The following TOMM70 variants were observed in gnomAD, a reference collection of about 807,000 sequenced individuals.
TOMM70 encodes mitochondrial import receptor subunit TOM70.
TOMM70 carries 13 observed loss-of-function variants against 73.6 expected under a neutral mutation model. That is an observed-to-expected ratio of 0.18 (90% CI 0.11 to 0.28). The LOEUF is 0.28. Among genes scored for constraint, TOMM70 ranks in the 10% least tolerant of loss-of-function variants. The pLI, the probability that TOMM70 is intolerant of heterozygous loss-of-function variation, is 1.00. For missense variants in TOMM70, 609 were observed against 747.5 expected, an observed-to-expected ratio of 0.81 and a Z score of 2.16; for synonymous variants, 257 against 271.2, an observed-to-expected ratio of 0.95 and a Z score of 0.51.
intron 1 of TOMM70, among the ~76,000 whole-genome samples, chr3:100,387,593 G>GACACACACAC (rs772727603): frequency 8.1e-5 from 8 of 98,740 alleles, no homozygotes; most frequent in African/African-American, 1.6e-4. Context: ...CACAGACACA[G>GACACACACAC]ACACAGACAC....
intron 11 of TOMM70, among the ~76,000 whole-genome samples, chr3:100,367,001 C>T (rs899704433): frequency 5.9e-5 from 9 of 152,202 alleles, no homozygotes; most frequent in African/African-American, 2.2e-4. Flanking sequence ...GGGCAAATCA[C>T]TTGAGGCCGA....
chr3:100,397,769 A>G (rs934623055), intron 1 of TOMM70, among the ~76,000 whole-genome samples: 2 of 152,060 alleles, frequency 1.3e-5, no homozygotes, highest in Admixed American at 6.5e-5. Context: ...CGTGCCTGTA[A>G]TCCCAGCTAC....
In TOMM70 at chr3:100,368,067, G is replaced by C. The variant is rs1482586232; in HGVS notation, c.1650C>G (p.Thr550=). ...IDNKCDFAYE[T]MGTIEVQRGN... ...ACCTTTGTACTTCAATAGTTCCCAT[G>C]GTTTCATAGGCAAAATCACATTTAT... The change falls in exon 11 of 12, where the codon ACC becomes ACG. Residue 550 remains threonine (T), a synonymous_variant. Transcript: ENST00000284320. The C allele has an allele frequency of 1.2e-6, 2 of 1,613,732 alleles. No homozygotes were observed. The highest frequency in any genetic ancestry group is 1.7e-5 in the Admixed American group (1 of 59,954).
At chr3:100,390,681 T>C (rs1308506060) in intron 1 of TOMM70, among the ~76,000 whole-genome samples, 1 of 151,864 alleles carries the variant, frequency 6.6e-6, no homozygotes, top group East Asian at 1.9e-4. Flanking sequence ...ACAAAACAAT[T>C]AGCCAGGTGT....
In TOMM70 at chr3:100,394,370, T is replaced by C. The variant is rs78006493; in HGVS notation, c.324+6256A>G. Among the ~76,000 whole-genome samples the C allele has an allele frequency of 1.3e-3, 144 of 111,830 alleles. 3 individuals carry two copies. Among genetic ancestry groups the C allele is most frequent in the Non-Finnish European group, 1.8e-3 (111 of 61,978 alleles). 73.4% of individuals were successfully genotyped at this position (111,830 alleles called of 152,430 possible). ...TTGACCAACTGTTACTTTTTCTTTT[T>C]TTTTTTTTGAGATAGAGTTTTGCTC... On this transcript the variant is annotated intron_variant, in intron 1 of 11. Transcript: ENST00000284320.
intron 1 of TOMM70, among the ~76,000 whole-genome samples, chr3:100,391,557 G>T: frequency 6.6e-6 from 1 of 152,058 alleles, no homozygotes; most frequent in East Asian, 1.9e-4. Flanking sequence ...GGGATATAAA[G>T]AAAATATTTT....
rs141227349 is a variant in TOMM70 at position 100,376,369 on chromosome 3, G to GTTTTTTTTTTTTTTTTTTTTTTTT, written c.1093-1218_1093-1217insAAAAAAAAAAAAAAAAAAAAAAAA. 1.1e-3 allele frequency among the ~76,000 whole-genome samples: 132 copies of GTTTTTTTTTTTTTTTTTTTTTTTT among 121,750 alleles called. 10 individuals carry two copies. Among genetic ancestry groups the GTTTTTTTTTTTTTTTTTTTTTTTT allele is most frequent in the African/African-American group, 1.6e-3 (44 of 27,050 alleles). The allele number at this position is 121,750 out of a possible 152,430, so 79.9% of individuals were successfully genotyped here. On this transcript the variant is annotated intron_variant, in intron 6 of 11. Transcript: ENST00000284320. ...CTTGATGGTGTCTTTTCACACAGAA[G>GTTTTTTTTTTTTTTTTTTTTTTTT]TTTTTTTTTTTTTTTGAGACAGGAT...
chr3:100,391,421 A>C (rs1706760406), intron 1 of TOMM70, among the ~76,000 whole-genome samples: 1 of 152,218 alleles, frequency 6.6e-6, no homozygotes, highest in Non-Finnish European at 1.5e-5. Flanking sequence ...GTAGAGGAGG[A>C]CAGGGATACT....
chr3:100,396,111 G>A (rs148624072), intron 1 of TOMM70, among the ~76,000 whole-genome samples: 9 of 151,696 alleles, frequency 5.9e-5, no homozygotes, highest in African/African-American at 2.2e-4. Context: ...TACTGCCAAG[G>A]ATTAAGATTG....
At chr3:100,376,525 G>A (rs890658340) in intron 6 of TOMM70, among the ~76,000 whole-genome samples, 14 of 151,754 alleles carry the variant, frequency 9.2e-5, no homozygotes, top group Admixed American at 5.9e-4. Flanking sequence ...CATCATGCCC[G>A]GCTAATTTTC....
In TOMM70 at chr3:100,370,585, T is replaced by C. The variant is rs984766440; in HGVS notation, c.1453-1450A>G. On this transcript the variant is annotated intron_variant, in intron 9 of 11. Transcript: ENST00000284320. The stretch of plus-strand genomic sequence containing the variant: ...ATCAGACTATGCTCAAGCTGTAACT[T>C]TGCGAGTTGGCCAGCATCTACGCCA... Among the ~76,000 whole-genome samples, 15 of 152,156 alleles carry C rather than the reference T, an allele frequency of 9.9e-5. 1 individual carries two copies. The highest frequency in any genetic ancestry group is 8.5e-4 in the Admixed American group (13 of 15,264).
intron 9 of TOMM70, 143 bp from the exon 10 acceptor site, chr3:100,369,278 T>C: frequency 1.6e-6 from 1 of 641,684 alleles, no homozygotes; most frequent in Admixed American, 3.0e-5. Context: ...ATTTACATTT[T>C]ACATCTTAAT....
At chr3:100,392,641 C>T (rs1177220994) in intron 1 of TOMM70, among the ~76,000 whole-genome samples, 3 of 151,604 alleles carry the variant, frequency 2.0e-5, no homozygotes, top group Admixed American at 6.6e-5. Context: ...TTGTCTTGAA[C>T]TCCTGATCTC....
chr3:100,370,053 GTCTT>G (rs1706491622), intron 9 of TOMM70, among the ~76,000 whole-genome samples: 1 of 146,374 alleles, frequency 6.8e-6, no homozygotes, highest in Non-Finnish European at 1.5e-5. Flanking sequence ...ATGGCTCTTA[GTCTT>G]TTCATATCTA....
intron 5 of TOMM70, among the ~76,000 whole-genome samples, chr3:100,378,657 T>C (rs541564529): frequency 6.6e-6 from 1 of 152,160 alleles, no homozygotes; most frequent in Admixed American, 6.5e-5. Context: ...AGGAAATAAG[T>C]GACTTTAGAG....
chr3:100,386,398 G>C, intron 2 of TOMM70, 54 bp from the exon 3 acceptor site: 2 of 1,518,090 alleles, frequency 1.3e-6, no homozygotes, highest in Non-Finnish European at 1.8e-6. Context: ...CTGTTCAATA[G>C]AAATCAGTTT....
intron 4 of TOMM70, among the ~76,000 whole-genome samples, chr3:100,382,845 T>C (rs1706646671): frequency 6.6e-6 from 1 of 152,218 alleles, no homozygotes; most frequent in South Asian, 2.1e-4. Flanking sequence ...CTGCCACTTA[T>C]TAGCTATGTG....
rs1706521256 is a variant in TOMM70, at chr3:100,372,468, G to A, written c.1452+138C>T. 5 of 649,398 alleles carry A rather than the reference G, an allele frequency of 7.7e-6. No individual in the cohort carries two copies. In the South Asian group the frequency reaches 1.2e-4, roughly 16 times the overall value. The allele number at this position is 649,398 out of a possible 1,614,324, so 40.2% of individuals were successfully genotyped here. A position where few individuals can be genotyped will look rare whatever the true frequency, so the allele number is the denominator to read the frequency against. ...TCTGAGGTGATTCGGGACCAACCAG[G>A]GGCCATGAGAATCAATCAGGAACAA... On this transcript the variant is annotated intron_variant, in intron 9 of 11. Transcript: ENST00000284320.
At position 100,377,717 on chromosome 3, in the gene TOMM70, T is replaced by G; in HGVS notation, c.1080A>C (p.Glu360Asp). 6.2e-7 allele frequency: 1 copy of G among 1,611,136 alleles called. No homozygotes were observed. The highest frequency in any genetic ancestry group is 8.5e-7 in the Non-Finnish European group (1 of 1,177,442). The change falls in exon 6 of 12, where the codon GAA (glutamate) becomes GAC (aspartate). Residue 360 changes from glutamate to aspartate, a missense_variant. Transcript: ENST00000284320. ...PDLDKVISLK[E>D]ANVKLRANAL... is the part of the protein sequence containing the mutation. ...TTTTTTAATGTACCTTCACATTAGC[T>G]TCTTTCAAACTGATGACTTTATCTA...
Sources: gnomAD v4.1 joint callset for allele counts (sites outside exome capture counted in the v4.1 genomes callset) on GRCh38, gnomAD v4.1.1 for gene constraint, MANE v1.5 for transcripts, NCBI Gene and HGNC (gene_info 2026-07-23, HGNC 2026-07-21) for gene names.